Variants in HSPA12A observed in about 807,000 individuals in gnomAD.
HSPA12A encodes heat shock protein family A (Hsp70) member 12A.
In HSPA12A, 28 loss-of-function variants were observed where a neutral mutation model predicts 69.2. That is an observed-to-expected ratio of 0.40 (90% CI 0.30 to 0.55). The LOEUF (loss-of-function observed/expected upper bound fraction) is 0.55. HSPA12A is among the 20% of genes least tolerant of loss of function. HSPA12A has a pLI of 0.38. For synonymous variants in HSPA12A, 345 were observed against 370.5 expected (o/e 0.93, Z 0.79); for missense variants, 686 against 900.7 (o/e 0.76, Z 3.05).
At chr10:116,707,153 G>GCGCACACACA (rs782367871) in intron 2 of HSPA12A, 47 bp downstream of exon 2, 2 of 583,406 alleles carry the variant, frequency 3.4e-6, no homozygotes, top group Non-Finnish European at 5.2e-6. Context: ...ACCCATGCGC[G>GCGCACACACA]CACACACACA....
rs559320844 is a variant in HSPA12A, at chr10:116,693,634, AAAAC to A, written c.547-1171_547-1168del. On this transcript the variant is annotated intron_variant, in intron 5 of 11. Coordinates refer to ENST00000369209, the MANE Select transcript of HSPA12A (RefSeq NM_025015.3). Reference sequence around the variant, plus strand: ...CAAGAAAGATTAATAGACTGATGAAAAAACAAACAAACAAAATTGCTGACACTGT... The same window carrying A: ...CAAGAAAGATTAATAGACTGATGAAAAAACAAACAAAATTGCTGACACTGT... 5.9e-5 allele frequency among the ~76,000 whole-genome samples: 9 copies of A among 152,340 alleles called. No homozygotes were observed. In the South Asian group the frequency reaches 1.2e-3, roughly 21 times the overall value.
chr10:116,791,489 T>C (rs564000767), intron 2 of HSPA12A, among the ~76,000 whole-genome samples: 1 of 152,250 alleles, frequency 6.6e-6, no homozygotes, highest in South Asian at 2.1e-4. Context: ...AGCAGCCAAT[T>C]AGTGCAATTG....
At chr10:116,835,088 C>A (rs531732128) in intron 1 of HSPA12A, 2 of 1,021,374 alleles carry the variant, frequency 2.0e-6, no homozygotes, top group Non-Finnish European at 1.2e-6. Context: ...GCTCTTAAGT[C>A]GCGTACTCGT....
At chr10:116,818,407 A>C (rs932343062) in intron 2 of HSPA12A, among the ~76,000 whole-genome samples, 15 of 151,722 alleles carry the variant, frequency 9.9e-5, no homozygotes, top group Non-Finnish European at 1.5e-5. Context: ...GATGCCAGCC[A>C]TAATGGCAGT....
intron 2 of HSPA12A, among the ~76,000 whole-genome samples, chr10:116,772,233 G>T (rs1442022486): frequency 6.6e-6 from 1 of 152,148 alleles, no homozygotes; most frequent in African/African-American, 2.4e-5. Flanking sequence ...TGGGGCAGGG[G>T]GTACTGTGAA....
At chr10:116,770,963 G>A (rs1309619563) in intron 2 of HSPA12A, among the ~76,000 whole-genome samples, 1 of 151,774 alleles carries the variant, frequency 6.6e-6, no homozygotes, top group Admixed American at 6.6e-5. Flanking sequence ...GTGTGCTGGG[G>A]GAGGGGGCAG....
At chr10:116,744,502 T>C (rs1554887650), upstream of HSPA12A, among the ~76,000 whole-genome samples, 1 of 152,202 alleles carries the variant, frequency 6.6e-6, no homozygotes, top group East Asian at 1.9e-4. Flanking sequence ...CGTGCCCTCA[T>C]GGGACTCCCA....
intron 2 of HSPA12A, among the ~76,000 whole-genome samples, chr10:116,783,706 T>C (rs1420698049): frequency 1.3e-5 from 2 of 152,230 alleles, no homozygotes; most frequent in Non-Finnish European, 2.9e-5. Flanking sequence ...GGTGTGTTAG[T>C]ATACCACCAT....
chr10:116,742,050 C>T (rs1419315591), intron 1 of HSPA12A, among the ~76,000 whole-genome samples: 6 of 152,154 alleles, frequency 3.9e-5, no homozygotes. Context: ...CTTTACCCAG[C>T]CAGCGCCGGC....
chr10:116,849,496 G>A, intron 1 of HSPA12A: 1 of 1,424,832 alleles, frequency 7.0e-7, no homozygotes, highest in Non-Finnish European at 9.2e-7. Flanking sequence ...ATCACGTTGC[G>A]TTGCCTAGCG....
chr10:116,849,462 G>A (rs1367087900), intron 1 of HSPA12A: 5 of 1,412,312 alleles, frequency 3.5e-6, no homozygotes, highest in Non-Finnish European at 4.7e-6. Flanking sequence ...AGGCCTGGAA[G>A]CCACGCGAGA....
At chr10:116,812,541 A>T (rs533449425) in intron 2 of HSPA12A, among the ~76,000 whole-genome samples, 1 of 152,258 alleles carries the variant, frequency 6.6e-6, no homozygotes, top group South Asian at 2.1e-4. Context: ...CTTTCCTGTC[A>T]GTTGAAGTGG....
rs1845542240 is a variant in HSPA12A, at chr10:116,827,986, T to C, written c.91+6949A>G. Among the ~76,000 whole-genome samples the C allele has an allele frequency of 2.0e-5, 3 of 152,302 alleles. No individual in the cohort carries two copies. In the South Asian group the frequency reaches 6.2e-4, roughly 32 times the overall value. On this transcript the variant is annotated intron_variant, in intron 2 of 12. Coordinates refer to the HSPA12A transcript ENST00000635765. ...CTTACAGGCATTTGTAAATTTTAAATTCAGTAAGACCTCGTGGTATGCATT... is the reference window on the plus strand; with the variant it reads ...CTTACAGGCATTTGTAAATTTTAAACTCAGTAAGACCTCGTGGTATGCATT...
At position 116,699,127 on chromosome 10, in the gene HSPA12A, T is replaced by TC. The variant is rs575993521; in HGVS notation, c.442-389dup. 1.4e-3 allele frequency among the ~76,000 whole-genome samples: 203 copies of TC among 142,626 alleles called. 3 individuals are homozygous for TC. The South Asian group carries it at 0.031, about 22-fold the overall frequency. The allele number at this position is 142,626 out of a possible 152,430, so 93.6% of individuals were successfully genotyped here. On this transcript the variant is annotated intron_variant, in intron 4 of 11. Transcript: ENST00000369209. The stretch of plus-strand genomic sequence containing the variant: ...CGAACACACATGGTCACGCTCAGGA[T>TC]CCCCCCTGATGGAGGCCTAATCGTA...
At chr10:116,692,552 T>C (rs183368458) in intron 5 of HSPA12A, 85 bp from the exon 6 acceptor site, 1 of 1,010,088 alleles carries the variant, frequency 9.9e-7, no homozygotes. Context: ...AACCCAGGCT[T>C]CCTGCCATGA....
chr10:116,740,083 AT>A, intron 1 of HSPA12A, among the ~76,000 whole-genome samples: 1 of 152,200 alleles, frequency 6.6e-6, no homozygotes, highest in Non-Finnish European at 1.5e-5. Flanking sequence ...AAGCACAACC[AT>A]TTTTTTATGT....
chr10:116,810,327 G>T (rs1423845533), intron 2 of HSPA12A, among the ~76,000 whole-genome samples: 1 of 152,062 alleles, frequency 6.6e-6, no homozygotes, highest in Admixed American at 6.6e-5. Context: ...CCACGCCCTG[G>T]TCCTGGTCCA....
chr10:116,722,359 T>C (rs770271399), intron 1 of HSPA12A, among the ~76,000 whole-genome samples: 1 of 152,082 alleles, frequency 6.6e-6, no homozygotes, highest in Non-Finnish European at 1.5e-5. Context: ...AAGTGGGAGC[T>C]CGTGCTAGGG....
In HSPA12A at chr10:116,707,235, TGTCCCCAAGACTCCG is replaced by T. The variant is rs1554882594; in HGVS notation, c.76_90del (p.Arg26_Asp30del). ...GAGGGGGACAGAGGCGTTATTCCTGTGTCCCCAAGACTCCGGGCTGGAGATGAATATGCAGATGTG... is the reference window on the plus strand; with the variant it reads ...GAGGGGGACAGAGGCGTTATTCCTGTGGCTGGAGATGAATATGCAGATGTG... On this transcript the variant is annotated inframe_deletion, in exon 2 of 12. Transcript: ENST00000369209. The T allele has an allele frequency of 6.2e-7, 1 of 1,612,596 alleles. No individual in the cohort carries two copies. The highest frequency in any genetic ancestry group is 8.5e-7 in the Non-Finnish European group (1 of 1,179,584).
Sources: allele counts gnomAD v4.1 joint callset (sites outside exome capture counted in the v4.1 genomes callset), GRCh38; gene constraint gnomAD v4.1.1; transcripts MANE v1.5; gene names NCBI Gene and HGNC (gene_info 2026-07-23, HGNC 2026-07-21).